The following LAMC3 variants were observed in gnomAD, a reference collection of about 807,000 sequenced individuals.
LAMC3 encodes the protein laminin subunit gamma-3.
Under a neutral mutation model 173.8 loss-of-function variants are expected in LAMC3, and 128 were observed. That is an observed-to-expected ratio of 0.74 (90% CI 0.64 to 0.85). The LOEUF (loss-of-function observed/expected upper bound fraction) is 0.85. LAMC3 is among the 40% of genes least tolerant of loss of function. LAMC3 has a pLI of 0.00. For synonymous variants in LAMC3, 897 were observed against 909.1 expected (o/e 0.99, Z 0.24); for missense variants, 2,022 against 2,156.0 (o/e 0.94, Z 1.23).
chr9:131,009,214 C>T lies in LAMC3; in HGVS notation c.-1C>T. Reference sequence around the variant, plus strand: ...AGCGCGCGGCGTCGGTGCCCTTGACCATGGCGGCGGCTGCGCTTCTGCTGG... The same window carrying T: ...AGCGCGCGGCGTCGGTGCCCTTGACTATGGCGGCGGCTGCGCTTCTGCTGG... On this transcript the variant is annotated 5_prime_UTR_variant, in exon 1 of 28. Transcript: ENST00000361069. This position sits in a 1 kb window ranked among gnomAD's most constrained non-coding sequence, Gnocchi z 4.3. 8.2e-7 allele frequency: 1 copy of T among 1,225,320 alleles called. No individual in the cohort carries two copies. Among genetic ancestry groups the T allele is most frequent in the Non-Finnish European group, 1.0e-6 (1 of 986,810 alleles). The allele number at this position is 1,225,320 out of a possible 1,614,324, so 75.9% of individuals were successfully genotyped here.
chr9:131,092,619 C>T lies in LAMC3; in HGVS notation c.*832C>T, dbSNP rs1208256967. On this transcript the variant is annotated 3_prime_UTR_variant, in exon 28 of 28. Transcript: ENST00000361069. ...GGCCCACCCTGGCCTGTACCCACTT[C>T]AGCCTGTGATCTATCCAAAGAGCCA... The T allele has an allele frequency of 6.6e-6, 1 of 152,332 alleles. No homozygotes were observed. Among genetic ancestry groups the T allele is most frequent in the Non-Finnish European group, 1.5e-5 (1 of 68,110 alleles). The allele number at this position is 152,332 out of a possible 1,614,324, so 9.4% of individuals were successfully genotyped here.
chr9:131,015,701 G>T (rs1833508635), intron 1 of LAMC3, among the ~76,000 whole-genome samples: 1 of 152,140 alleles, frequency 6.6e-6, no homozygotes, highest in Non-Finnish European at 1.5e-5. Flanking sequence ...CACCGCCCAG[G>T]CTGGAGTGCA....
chr9:131,031,917 C>G, intron 2 of LAMC3, 128 bp from the exon 3 acceptor site: 1 of 1,543,352 alleles, frequency 6.5e-7, no homozygotes, highest in Non-Finnish European at 8.9e-7. Flanking sequence ...CAGAATTGGC[C>G]TGAGCTCGGC....
chr9:131,021,648 C>G (rs1833627397), intron 1 of LAMC3, among the ~76,000 whole-genome samples: 1 of 152,094 alleles, frequency 6.6e-6, no homozygotes, highest in South Asian at 2.1e-4. Context: ...ACGATCTAGT[C>G]AGAGATAGCA....
chr9:131,061,282 C>T (rs1301972246), intron 13 of LAMC3, 59 bp downstream of exon 13: 10 of 1,448,586 alleles, frequency 6.9e-6, no homozygotes, highest in Non-Finnish European at 9.4e-6. Context: ...GGCACTGTGA[C>T]TATGCCCTGG....
chr9:131,040,457 G>C (rs186430008), intron 6 of LAMC3, among the ~76,000 whole-genome samples: 1 of 152,164 alleles, frequency 6.6e-6, no homozygotes, highest in Middle Eastern at 3.2e-3. Flanking sequence ...GATTACAGAC[G>C]TGAGTCACCG....
intron 6 of LAMC3, 73 bp from the exon 7 acceptor site, chr9:131,041,564 C>A: frequency 7.4e-7 from 1 of 1,355,176 alleles, no homozygotes; most frequent in African/African-American, 1.4e-5. Context: ...GGAAAGCTCC[C>A]TTCCTAGGAT....
intron 14 of LAMC3, 87 bp from the exon 15 acceptor site, chr9:131,067,991 C>A: frequency 7.2e-7 from 1 of 1,397,288 alleles, no homozygotes; most frequent in Non-Finnish European, 1.0e-6. Flanking sequence ...TGGAGGCTCC[C>A]CCATCTCCTC....
chr9:131,041,834 G>T (rs1484869642), intron 7 of LAMC3, 99 bp downstream of exon 7: 6 of 998,274 alleles, frequency 6.0e-6, no homozygotes, highest in Non-Finnish European at 7.7e-6. Flanking sequence ...CAAGGGGCAC[G>T]GTCTTCATGG....
Position 131,009,956 on chromosome 9 carries a change from C to G in LAMC3, c.373+369C>G, listed in dbSNP as rs1186549835. 1.3e-5 allele frequency among the ~76,000 whole-genome samples: 2 copies of G among 151,712 alleles called. No individual in the cohort carries two copies. The highest frequency in any genetic ancestry group is 4.8e-5 in the African/African-American group (2 of 41,280). On this transcript the variant is annotated intron_variant, in intron 1 of 27. Coordinates refer to ENST00000361069, the MANE Select transcript of LAMC3 (RefSeq NM_006059.4). The surrounding 1 kb of genome is among the most constrained non-coding windows in gnomAD (Gnocchi z 4.3). The stretch of plus-strand genomic sequence containing the variant: ...ATCACCTGAGGTCAGGAGTTCGAGA[C>G]CAGCCTGGCCAACATGGTGAAAACC...
chr9:131,064,590 G>C (rs1200856400), intron 13 of LAMC3, among the ~76,000 whole-genome samples: 1 of 152,054 alleles, frequency 6.6e-6, no homozygotes, highest in Non-Finnish European at 1.5e-5. Context: ...GTGAACCCCG[G>C]GGGGCGGAGC....
chr9:131,042,248 C>T (rs73548533), intron 7 of LAMC3, among the ~76,000 whole-genome samples: 2,543 of 151,498 alleles, frequency 0.017, 73 homozygotes, highest in African/African-American at 0.058. Flanking sequence ...ACACCACTAA[C>T]GGAGCACTAT....
In LAMC3 at chr9:131,045,524, A is replaced by T. The variant is rs1224417594; in HGVS notation, c.1383A>T (p.Arg461Ser). The change falls in exon 8 of 28, where the codon AGA becomes AGT. Residue 461 changes from arginine (R) to serine (S), a missense_variant and splice_region_variant. Arg to Ser is a moderately radical substitution (Grantham distance 110). Coordinates refer to ENST00000361069, the MANE Select transcript of LAMC3 (RefSeq NM_006059.4). ...KENVEGNLCD[R>S]CRPGTFNLQP... The stretch of plus-strand genomic sequence containing the variant: ...TGGGCATGTCCTGCCTCCATTTCAG[A>T]TGTCGCCCGGGGACCTTTAACCTGC... 2 of 1,613,312 alleles carry T rather than the reference A, an allele frequency of 1.2e-6. No individual in the cohort carries two copies. Among genetic ancestry groups the T allele is most frequent in the African/African-American group, 2.7e-5 (2 of 74,870 alleles).
In LAMC3 at chr9:131,045,594, C is replaced by T. The variant is rs772148137; in HGVS notation, c.1453C>T (p.His485Tyr). 1.9e-6 allele frequency: 3 copies of T among 1,614,136 alleles called. No homozygotes were observed. Among genetic ancestry groups the T allele is most frequent in the Admixed American group, 3.3e-5 (2 of 60,012 alleles). The change falls in exon 8 of 28, where the codon CAC becomes TAC. Residue 485 changes from histidine to tyrosine, a missense_variant. Transcript: ENST00000361069. ...CTGCAGCAGCTGTTTCTGCTATGGC[C>T]ACTCCAAGGTGTGCGCGTCCACTGC... ...AGCSSCFCYG[H>Y]SKVCASTAQF...
rs150765995 is a variant in LAMC3, at chr9:131,087,390, T to A, written c.4231-86T>A. On this transcript the variant is annotated intron_variant, in intron 25 of 27. Coordinates refer to ENST00000361069, the MANE Select transcript of LAMC3 (RefSeq NM_006059.4). ...GATCTGCCTGGTACAGACAACTGCT[T>A]GGCATCATTGCCATAAGAGCTATTT... 62 of 1,504,164 alleles carry A rather than the reference T, an allele frequency of 4.1e-5. No homozygotes were observed. The East Asian group carries it at 1.3e-3, about 32-fold the overall frequency. 93.2% of individuals were successfully genotyped at this position (1,504,164 alleles called of 1,614,324 possible).
intron 9 of LAMC3, among the ~76,000 whole-genome samples, chr9:131,051,125 C>G (rs544402841): frequency 1.3e-5 from 2 of 152,102 alleles, no homozygotes; most frequent in Admixed American, 1.3e-4. Context: ...AAAGCTGTGG[C>G]GGGGCGCGCT....
chr9:131,045,396 GAAA>G, intron 7 of LAMC3, 125 bp from the exon 8 acceptor site: 4 of 1,070,126 alleles, frequency 3.7e-6, no homozygotes, highest in South Asian at 2.6e-5. Context: ...CTAGAATTCT[GAAA>G]AAAAATTGTT....
At chr9:131,040,883 C>G (rs952440663) in intron 6 of LAMC3, among the ~76,000 whole-genome samples, 1 of 152,198 alleles carries the variant, frequency 6.6e-6, no homozygotes, top group African/African-American at 2.4e-5. Flanking sequence ...GGTACAGGGT[C>G]TGCGTGATCT....
chr9:131,047,165 CTTTT>C (rs398012456), intron 8 of LAMC3, among the ~76,000 whole-genome samples: 4 of 102,162 alleles, frequency 3.9e-5, no homozygotes, highest in Non-Finnish European at 7.6e-5. Context: ...CTGAATTCCT[CTTTT>C]TTTTTTTTTT....
Sources: allele counts gnomAD v4.1 joint callset (sites outside exome capture counted in the v4.1 genomes callset), GRCh38; gene constraint gnomAD v4.1.1; non-coding constraint Gnocchi (gnomAD v3.1); transcripts MANE v1.5; gene names NCBI Gene and HGNC (gene_info 2026-07-23, HGNC 2026-07-21).